The following SCGB1C1 variants were observed in gnomAD, a reference collection of about 807,000 sequenced individuals.
The protein encoded by SCGB1C1 is ligand binding protein RYD5.
In SCGB1C1, 2 loss-of-function variants were observed where a neutral mutation model predicts 8.9. The ratio of observed to expected loss-of-function variants is 0.23; its 90% CI spans 0.09 to 0.71. The LOEUF (loss-of-function observed/expected upper bound fraction) is 0.71, where lower values mean the gene tolerates loss of function less well. Ranked by LOEUF, SCGB1C1 falls within the 30% of genes least tolerant of loss-of-function variation. The probability of loss-of-function intolerance (pLI) is 0.78; values close to 1 mark genes in which losing one functional copy is unlikely to be tolerated. For synonymous variants in SCGB1C1, 6 were observed against 45.8 expected (o/e 0.13, Z 3.51); for missense variants, 25 against 112.7 (o/e 0.22, Z 3.52).
upstream of SCGB1C1, among the ~76,000 whole-genome samples, chr11:189,396 G>C (rs1231210513): frequency 6.6e-6 from 1 of 152,280 alleles, no homozygotes; most frequent in Non-Finnish European, 1.5e-5. Context: ...CTTAATCTTG[G>C]CAAAATAAGC....
Position 194,530 on chromosome 11 carries a change from T to A in SCGB1C1, c.*80T>A, listed in dbSNP as rs1590064294. 1 of 581,704 alleles carries A rather than the reference T, an allele frequency of 1.7e-6. No homozygotes were observed. The highest frequency in any genetic ancestry group is 2.0e-5 in the South Asian group (1 of 50,680). The allele number at this position is 581,704 out of a possible 1,614,324, so 36.0% of individuals were successfully genotyped here. A position where few individuals can be genotyped will look rare whatever the true frequency, so the allele number is the denominator to read the frequency against. Reference sequence around the variant, plus strand: ...ACAACGCCCACTACCACCTCCCACATGGAAATGTATCCTCAAACCGTTTAA... The same window carrying A: ...ACAACGCCCACTACCACCTCCCACAAGGAAATGTATCCTCAAACCGTTTAA... On this transcript the variant is annotated 3_prime_UTR_variant, in exon 3 of 3. Transcript: ENST00000342878.
chr11:190,796 C>CCTAT (rs1854789500), upstream of SCGB1C1, among the ~76,000 whole-genome samples: 1 of 152,302 alleles, frequency 6.6e-6, no homozygotes, highest in African/African-American at 2.4e-5. Context: ...ACTGCGCCTG[C>CCTAT]CTCTTTTGAA....
At chr11:193,556 T>C (rs1447552449) in intron 1 of SCGB1C1, among the ~76,000 whole-genome samples, 156 bp from the exon 2 acceptor site, 1 of 152,152 alleles carries the variant, frequency 6.6e-6, no homozygotes, top group Non-Finnish European at 1.5e-5. Flanking sequence ...CAAGGTGGAG[T>C]TGGAGGTGTT....
upstream of SCGB1C1, among the ~76,000 whole-genome samples, chr11:191,814 T>C (rs1226705283): frequency 1.4e-4 from 5 of 36,402 alleles, no homozygotes; most frequent in Non-Finnish European, 3.7e-4. Context: ...ACCCTAACCC[T>C]AACCCCTAAC....
At chr11:192,059 G>A (rs1429833337), upstream of SCGB1C1, among the ~76,000 whole-genome samples, 1 of 152,092 alleles carries the variant, frequency 6.6e-6, no homozygotes, top group Non-Finnish European at 1.5e-5. Flanking sequence ...TTATGTGATT[G>A]TTTCGAATAG....
chr11:190,641 T>G (rs1332322505), upstream of SCGB1C1, among the ~76,000 whole-genome samples: 2 of 152,306 alleles, frequency 1.3e-5, no homozygotes, highest in Non-Finnish European at 2.9e-5. Flanking sequence ...GCTACTGCCT[T>G]AGCTCCCCAA....
upstream of SCGB1C1, among the ~76,000 whole-genome samples, chr11:192,360 T>C (rs576941963): frequency 1.5e-4 from 23 of 151,884 alleles, no homozygotes; most frequent in East Asian, 3.3e-3. Context: ...ACCTGGGGGG[T>C]TGAACCCCAG....
At chr11:189,417 G>GACAGAGACGCGGCGCGCCGGCGCAGGCGC (rs1296483483), upstream of SCGB1C1, among the ~76,000 whole-genome samples, 5 of 151,258 alleles carry the variant, frequency 3.3e-5, no homozygotes, top group African/African-American at 9.8e-5. Flanking sequence ...TTTCTAAATT[G>GACAGAGACGCGGCGCGCCGGCGCAGGCGC]ACAGAGACGC....
At chr11:191,647 C>T (rs1343146024), upstream of SCGB1C1, among the ~76,000 whole-genome samples, 3 of 150,710 alleles carry the variant, frequency 2.0e-5, no homozygotes, top group African/African-American at 7.4e-5. Context: ...AATGTGGTTA[C>T]AATTGAAAAC....
At chr11:189,718 G>A (rs1302127536), upstream of SCGB1C1, among the ~76,000 whole-genome samples, 4 of 152,084 alleles carry the variant, frequency 2.6e-5, no homozygotes, top group African/African-American at 7.3e-5. Flanking sequence ...GCTTGCAGCC[G>A]GGCACTACAG....
At chr11:192,142 G>T (rs1280752566), upstream of SCGB1C1, among the ~76,000 whole-genome samples, 1 of 149,630 alleles carries the variant, frequency 6.7e-6, no homozygotes, top group South Asian at 2.1e-4. Context: ...CCCTAAACGC[G>T]TGTGGCCCAG....
upstream of SCGB1C1, among the ~76,000 whole-genome samples, chr11:192,908 CA>C (rs1164613512): frequency 3.7e-5 from 5 of 133,598 alleles, no homozygotes; most frequent in African/African-American, 5.6e-5. Context: ...GCTTGCCAAC[CA>C]CCTGTCACAC....
At chr11:193,181 GA>G in intron 1 of SCGB1C1, 27 bp downstream of exon 1, 1 of 455,660 alleles carries the variant, frequency 2.2e-6, no homozygotes, top group East Asian at 7.1e-5. Flanking sequence ...GGGGTTTCCA[GA>G]ACATTCAGGG....
intron 2 of SCGB1C1, among the ~76,000 whole-genome samples, chr11:194,148 A>G (rs1157243617): frequency 3.3e-5 from 4 of 121,386 alleles, no homozygotes; most frequent in Non-Finnish European, 5.1e-5. Flanking sequence ...GTGAACATAC[A>G]CAGAGATCCA....
chr11:188,445 ATTG>A (rs1236837343), upstream of SCGB1C1, among the ~76,000 whole-genome samples: 1 of 152,128 alleles, frequency 6.6e-6, no homozygotes, highest in African/African-American at 2.4e-5. Context: ...TTTTAAAAAT[ATTG>A]TTGATGGAAA....
At chr11:189,671 C>T (rs1412179889), upstream of SCGB1C1, among the ~76,000 whole-genome samples, 1 of 152,294 alleles carries the variant, frequency 6.6e-6, no homozygotes, top group Non-Finnish European at 1.5e-5. Context: ...ACGGGTTGAA[C>T]CTCAGTAATC....
rs558277276 is a variant in SCGB1C1, at chr11:194,265, A to G, written c.256-153A>G. Among the ~76,000 whole-genome samples, 8 of 145,432 alleles carry G rather than the reference A, an allele frequency of 5.5e-5. No homozygotes were observed. In the South Asian group the frequency reaches 1.3e-3, roughly 25 times the overall value. Reference sequence around the variant, plus strand: ...GCACACACATACATGTGTGCACACCATCACATGTGCACACACACCTCCCAG... The same window carrying G: ...GCACACACATACATGTGTGCACACCGTCACATGTGCACACACACCTCCCAG... On this transcript the variant is annotated intron_variant, in intron 2 of 2. Coordinates refer to ENST00000342878, the MANE Select transcript of SCGB1C1 (RefSeq NM_145651.3).
upstream of SCGB1C1, among the ~76,000 whole-genome samples, chr11:192,517 T>C (rs1854831322): frequency 1.3e-5 from 2 of 148,470 alleles, no homozygotes; most frequent in Admixed American, 6.7e-5. Flanking sequence ...CCTTCTCTCT[T>C]CTAGGCACTG....
upstream of SCGB1C1, among the ~76,000 whole-genome samples, chr11:191,817 C>T (rs1398310086): frequency 4.1e-4 from 15 of 36,434 alleles, no homozygotes; most frequent in Middle Eastern, 0.019. Context: ...CTAACCCTAA[C>T]CCCTAACCCC....
Sources: allele counts gnomAD v4.1 joint callset (sites outside exome capture counted in the v4.1 genomes callset), GRCh38; gene constraint gnomAD v4.1.1; transcripts MANE v1.5; gene names NCBI Gene and HGNC (gene_info 2026-07-23, HGNC 2026-07-21).